CENPP: variants seen among roughly 807,000 people sequenced by gnomAD.
CENPP encodes the protein centromere protein P.
A neutral mutation model predicts 35.6 loss-of-function variants in CENPP; 24 were observed. The ratio of observed to expected loss-of-function variants is 0.67; its 90% confidence interval spans 0.49 to 0.95. The LOEUF is 0.95. Ranked by LOEUF, CENPP falls within the 40% of genes least tolerant of loss-of-function variation. CENPP has a pLI of 0.00. For missense variants in CENPP, 332 were observed against 345.3 expected (o/e 0.96, Z 0.31); for synonymous variants, 120 against 125.5 (o/e 0.96, Z 0.29).
intron 5 of CENPP, among the ~76,000 whole-genome samples, chr9:92,551,389 C>CTA (rs1276159574): frequency 6.6e-6 from 1 of 152,104 alleles, no homozygotes; most frequent in African/African-American, 2.4e-5. Context: ...CCAAGCTGGA[C>CTA]TGTAGTGGCA....
At chr9:92,417,110 T>G (rs769508554) in intron 5 of CENPP, 1 of 1,613,768 alleles carries the variant, frequency 6.2e-7, no homozygotes, top group South Asian at 1.1e-5. Flanking sequence ...TAAATTATTA[T>G]GCTCTAGATG....
chr9:92,549,981 T>C (rs1452802138), intron 5 of CENPP, among the ~76,000 whole-genome samples: 1 of 152,208 alleles, frequency 6.6e-6, no homozygotes, highest in African/African-American at 2.4e-5. Flanking sequence ...GAGCCTTCCC[T>C]TGAAGTCGCA....
chr9:92,468,192 T>G (rs1433813986), intron 5 of CENPP, among the ~76,000 whole-genome samples: 1 of 152,170 alleles, frequency 6.6e-6, no homozygotes, highest in East Asian at 1.9e-4. Flanking sequence ...TTTTTCCTAA[T>G]TAAAACATGC....
intron 5 of CENPP, among the ~76,000 whole-genome samples, chr9:92,425,563 A>G (rs1395799647): frequency 6.6e-6 from 1 of 152,200 alleles, no homozygotes; most frequent in Non-Finnish European, 1.5e-5. Context: ...TTAAGCTTTT[A>G]CAAACTAATA....
At chr9:92,581,972 C>G (rs72754475) in intron 5 of CENPP, among the ~76,000 whole-genome samples, 7,878 of 152,080 alleles carry the variant, frequency 0.052, 240 homozygotes, top group South Asian at 0.1. Flanking sequence ...TAAGGTAACC[C>G]CTTAACAAAA....
At chr9:92,512,880 A>G (rs771732073) in intron 5 of CENPP, among the ~76,000 whole-genome samples, 2 of 152,198 alleles carry the variant, frequency 1.3e-5, no homozygotes, top group Non-Finnish European at 1.5e-5. Flanking sequence ...TTCTTAGGGC[A>G]GAGCATACCT....
intron 5 of CENPP, among the ~76,000 whole-genome samples, chr9:92,445,374 C>T (rs1844527169): frequency 6.6e-6 from 1 of 152,060 alleles, no homozygotes; most frequent in African/African-American, 2.4e-5. Flanking sequence ...TAATGCCTTC[C>T]CTCTGAAGAT....
chr9:92,505,156 T>C (rs1846924008), intron 5 of CENPP, among the ~76,000 whole-genome samples: 1 of 152,244 alleles, frequency 6.6e-6, no homozygotes, highest in African/African-American at 2.4e-5. Flanking sequence ...GACACTCTGT[T>C]ACGGTTAATA....
chr9:92,357,400 CT>C (rs199908738), intron 4 of CENPP, among the ~76,000 whole-genome samples: 1,660 of 151,326 alleles, frequency 0.011, 35 homozygotes, highest in African/African-American at 0.037. Context: ...TTCTCCTGCA[CT>C]TTTTTTATTT....
chr9:92,459,849 G>A, intron 5 of CENPP: 1 of 1,283,786 alleles, frequency 7.8e-7, no homozygotes, highest in Non-Finnish European at 1.1e-6. Context: ...CCGCAAACTA[G>A]TTAGAATATA....
intron 5 of CENPP, among the ~76,000 whole-genome samples, chr9:92,479,367 G>C (rs138421880): frequency 6.6e-6 from 1 of 152,318 alleles, no homozygotes; most frequent in African/African-American, 2.4e-5. Context: ...ACTTCTGCCT[G>C]CAAGTTTTAG....
chr9:92,365,919 G>A (rs1420689758), intron 4 of CENPP, among the ~76,000 whole-genome samples: 2 of 151,014 alleles, frequency 1.3e-5, no homozygotes, highest in Admixed American at 6.6e-5. Flanking sequence ...GGTGGCTCAC[G>A]CCTGTAATCC....
chr9:92,542,687 T>G (rs771672746), intron 5 of CENPP, among the ~76,000 whole-genome samples: 6 of 152,172 alleles, frequency 3.9e-5, no homozygotes, highest in Non-Finnish European at 5.9e-5. Flanking sequence ...CAGCTAATTT[T>G]GTGTATTTTA....
chr9:92,433,707 A>G (rs1321898168), intron 5 of CENPP, among the ~76,000 whole-genome samples: 2 of 151,996 alleles, frequency 1.3e-5, no homozygotes. Context: ...CGAAGCAGGC[A>G]GATCACTTGA....
chr9:92,362,502 T>C (rs543959922), intron 4 of CENPP, among the ~76,000 whole-genome samples: 2 of 152,366 alleles, frequency 1.3e-5, no homozygotes, highest in East Asian at 3.8e-4. Context: ...AAATTCTGCA[T>C]AGATGATATT....
At chr9:92,564,281 C>T (rs372719739) in intron 5 of CENPP, among the ~76,000 whole-genome samples, 5 of 151,922 alleles carry the variant, frequency 3.3e-5, no homozygotes, top group African/African-American at 7.2e-5. Context: ...CCCAGCTGCT[C>T]GGGCGGCTGA....
intron 5 of CENPP, among the ~76,000 whole-genome samples, chr9:92,478,098 T>A (rs755051520): frequency 3.9e-5 from 6 of 151,984 alleles, no homozygotes; most frequent in Non-Finnish European, 8.8e-5. Flanking sequence ...AATGGGATTA[T>A]AAGCAAAGCA....
chr9:92,515,356 A>G (rs1847637277), intron 5 of CENPP, among the ~76,000 whole-genome samples: 1 of 152,182 alleles, frequency 6.6e-6, no homozygotes, highest in Non-Finnish European at 1.5e-5. Context: ...CTTGCTTAAA[A>G]AGTTTTAATA....
At chr9:92,580,153 CA>C (rs990879114) in intron 5 of CENPP, among the ~76,000 whole-genome samples, 6 of 152,082 alleles carry the variant, frequency 3.9e-5, no homozygotes, top group Non-Finnish European at 8.8e-5. Flanking sequence ...GGATGAAGCC[CA>C]CTTGATCATG....
Sources: allele counts gnomAD v4.1 joint callset (sites outside exome capture counted in the v4.1 genomes callset), GRCh38; gene constraint gnomAD v4.1.1; transcripts MANE v1.5; gene names NCBI Gene and HGNC (gene_info 2026-07-23, HGNC 2026-07-21).